The following UPP2 variants were observed in gnomAD, a reference collection of about 807,000 sequenced individuals.
The protein encoded by UPP2 is UPase 2.
Under a neutral mutation model 26.7 loss-of-function variants are expected in UPP2, and 23 were observed. The ratio of observed to expected loss-of-function variants is 0.86; its 90% confidence interval spans 0.62 to 1.22. The LOEUF (loss-of-function observed/expected upper bound fraction) is 1.22, where lower values mean the gene tolerates loss of function less well. Among genes scored for constraint, UPP2 ranks in the 50% most tolerant of loss-of-function variants. The pLI is 0.00. For missense variants in UPP2, 387 were observed against 396.7 expected (o/e 0.98, Z 0.21); for synonymous variants, 127 against 141.3 (o/e 0.90, Z 0.72).
At chr2:158,071,684 A>G (rs1682543336) in intron 3 of UPP2, among the ~76,000 whole-genome samples, 1 of 151,988 alleles carries the variant, frequency 6.6e-6, no homozygotes, top group Non-Finnish European at 1.5e-5. Context: ...CACTGGGCAG[A>G]GTTATGAGTC....
intron 3 of UPP2, among the ~76,000 whole-genome samples, chr2:158,068,795 TATATA>T (rs1682485688): frequency 5.7e-5 from 1 of 17,450 alleles, no homozygotes; most frequent in African/African-American, 2.4e-4. Context: ...TATATATATA[TATATA>T]TATTTTTTTT....
intron 3 of UPP2, among the ~76,000 whole-genome samples, chr2:158,038,268 A>T (rs565952900): frequency 6.6e-6 from 1 of 152,354 alleles, no homozygotes; most frequent in African/African-American, 2.4e-5. Flanking sequence ...GCTTTCATAC[A>T]TGGAGAAACA....
intron 3 of UPP2, among the ~76,000 whole-genome samples, chr2:158,024,235 C>G (rs1351069442): frequency 6.6e-6 from 1 of 152,006 alleles, no homozygotes; most frequent in Non-Finnish European, 1.5e-5. Flanking sequence ...AGACAAAGAC[C>G]TGGGCTTCCT....
chr2:158,050,261 T>G (rs923372225), intron 3 of UPP2, among the ~76,000 whole-genome samples: 12 of 152,212 alleles, frequency 7.9e-5, no homozygotes, highest in Non-Finnish European at 1.3e-4. Flanking sequence ...CATATCATTC[T>G]CTTCTGCATT....
chr2:158,116,581 G>C (rs886950780), intron 3 of UPP2, among the ~76,000 whole-genome samples: 1 of 152,188 alleles, frequency 6.6e-6, no homozygotes, highest in Non-Finnish European at 1.5e-5. Context: ...CTCTCCAGTA[G>C]TGGTTGAATG....
intron 2 of UPP2, among the ~76,000 whole-genome samples, chr2:158,109,308 A>G (rs1372466880): frequency 2.0e-5 from 3 of 152,094 alleles, no homozygotes; most frequent in Non-Finnish European, 2.9e-5. Flanking sequence ...TTTCCTTCAT[A>G]TTCTTACCAT....
At chr2:158,124,118 TG>T (rs1260129997) in intron 6 of UPP2, among the ~76,000 whole-genome samples, 1 of 152,198 alleles carries the variant, frequency 6.6e-6, no homozygotes, top group Non-Finnish European at 1.5e-5. Flanking sequence ...AACAGCTAAT[TG>T]GTGACATGTT....
chr2:158,095,175 T>C (rs961938096), intron 3 of UPP2, among the ~76,000 whole-genome samples: 1 of 152,160 alleles, frequency 6.6e-6, no homozygotes, highest in Non-Finnish European at 1.5e-5. Context: ...GAGCCTGAGA[T>C]GAGTTAATCG....
chr2:157,996,407 C>T (rs1574236820), intron 2 of UPP2, among the ~76,000 whole-genome samples: 1 of 152,106 alleles, frequency 6.6e-6, no homozygotes, highest in African/African-American at 2.4e-5. Context: ...AACTTGTTTA[C>T]TCCCTATTGA....
chr2:158,098,699 T>C (rs959336527), upstream of UPP2, among the ~76,000 whole-genome samples: 13 of 152,142 alleles, frequency 8.5e-5, no homozygotes, highest in Non-Finnish European at 1.5e-5. Context: ...AAGGAAGAAA[T>C]TGGATGAACG....
chr2:158,014,077 G>A (rs1683620994), intron 2 of UPP2, among the ~76,000 whole-genome samples: 1 of 152,184 alleles, frequency 6.6e-6, no homozygotes, highest in Non-Finnish European at 1.5e-5. Context: ...TGTAACACAG[G>A]ATTTCCACTT....
At chr2:157,997,917 C>A (rs1206813168) in intron 2 of UPP2, among the ~76,000 whole-genome samples, 1 of 152,184 alleles carries the variant, frequency 6.6e-6, no homozygotes, top group African/African-American at 2.4e-5. Context: ...CACACAATGA[C>A]CTGGGAAAAA....
At chr2:158,115,660 C>T (rs1683414236) in intron 3 of UPP2, among the ~76,000 whole-genome samples, 1 of 152,176 alleles carries the variant, frequency 6.6e-6, no homozygotes, top group Non-Finnish European at 1.5e-5. Flanking sequence ...CCATAATAAG[C>T]TCGCTGAAAA....
At chr2:158,085,158 T>A (rs1682792859) in intron 3 of UPP2, among the ~76,000 whole-genome samples, 1 of 152,170 alleles carries the variant, frequency 6.6e-6, no homozygotes, top group African/African-American at 2.4e-5. Context: ...GTTTTGTCTA[T>A]GATTTTTTTC....
At chr2:158,057,625 A>G (rs1682267606) in intron 3 of UPP2, among the ~76,000 whole-genome samples, 1 of 152,188 alleles carries the variant, frequency 6.6e-6, no homozygotes, top group African/African-American at 2.4e-5. Flanking sequence ...GTTTCAATTA[A>G]TGATCCAATA....
intron 2 of UPP2, among the ~76,000 whole-genome samples, chr2:158,112,620 G>T (rs1023535199): frequency 4.0e-5 from 6 of 151,634 alleles, no homozygotes; most frequent in African/African-American, 1.5e-4. Flanking sequence ...AAAAAAAAAG[G>T]AAGTTATCTA....
chr2:158,034,620 G>T lies in UPP2; in HGVS notation c.147+18734G>T, dbSNP rs193182676. 4.8e-3 allele frequency among the ~76,000 whole-genome samples: 732 copies of T among 152,284 alleles called. 6 individuals carry two copies. The highest frequency in any genetic ancestry group is 0.013 in the Admixed American group (194 of 15,294). ...GAAGTCCATTTCCTTCCAGAGATTT[G>T]TCGTGTGTGTGTGCCTGAGGATTCT... is the stretch of plus-strand genomic sequence containing the variant. On this transcript the variant is annotated intron_variant, in intron 3 of 9. Transcript: ENST00000605860.
chr2:158,104,288 G>A (rs1683134143), intron 1 of UPP2, among the ~76,000 whole-genome samples: 1 of 152,090 alleles, frequency 6.6e-6, no homozygotes, highest in South Asian at 2.1e-4. Flanking sequence ...AAGCCTTCAC[G>A]GAAGAGGTAA....
chr2:158,046,769 G>A (rs1164416644), intron 3 of UPP2, among the ~76,000 whole-genome samples: 1 of 152,136 alleles, frequency 6.6e-6, no homozygotes, highest in Non-Finnish European at 1.5e-5. Context: ...ATGTAATTGT[G>A]ATTGAGTTTT....
Sources: allele counts gnomAD v4.1 joint callset (sites outside exome capture counted in the v4.1 genomes callset), GRCh38; gene constraint gnomAD v4.1.1; transcripts MANE v1.5; gene names NCBI Gene and HGNC (gene_info 2026-07-23, HGNC 2026-07-21).